KCTD9: variants seen among roughly 807,000 people sequenced by gnomAD.
KCTD9 encodes BTB/POZ domain-containing protein KCTD9.
In KCTD9, 17 loss-of-function variants were observed where a neutral mutation model predicts 53.3. That is an observed-to-expected ratio of 0.32 (90% CI 0.22 to 0.48). KCTD9 has a LOEUF of 0.48. Ranked by LOEUF, KCTD9 falls within the 20% of genes least tolerant of loss-of-function variation. The probability of loss-of-function intolerance (pLI) is 0.99; values close to 1 mark genes in which losing one functional copy is unlikely to be tolerated. For missense variants in KCTD9, 179 were observed against 465.5 expected, an observed-to-expected ratio of 0.38 and a Z score of 5.66; for synonymous variants, 128 against 162.7, an observed-to-expected ratio of 0.79 and a Z score of 1.62.
rs1398759675 is a variant in KCTD9 at position 25,428,248 on chromosome 8, T to C, written c.*1609A>G. The C allele has an allele frequency of 1.3e-5, 2 of 152,588 alleles. No homozygotes were observed. Among genetic ancestry groups the C allele is most frequent in the African/African-American group, 2.4e-5 (1 of 41,436 alleles). 9.5% of individuals were successfully genotyped at this position (152,588 alleles called of 1,614,324 possible). A position where few individuals can be genotyped will look rare whatever the true frequency, so the allele number is the denominator to read the frequency against. On this transcript the variant is annotated 3_prime_UTR_variant, in exon 12 of 12. Transcript: ENST00000221200. Reference sequence around the variant, plus strand: ...TTTAGGCACATATTGATTATGAAAATAGATTATCTCTCAATACAATACTTC... The same window carrying C: ...TTTAGGCACATATTGATTATGAAAACAGATTATCTCTCAATACAATACTTC...
At position 25,429,978 on chromosome 8, in the gene KCTD9, A is replaced by G. The variant is rs1480646242; in HGVS notation, c.1054-5T>C. The G allele has an allele frequency of 1.4e-5, 20 of 1,479,598 alleles. No individual in the cohort carries two copies. Among genetic ancestry groups the G allele is most frequent in the Non-Finnish European group, 1.9e-5 (20 of 1,058,026 alleles). The allele number at this position is 1,479,598 out of a possible 1,614,324, so 91.7% of individuals were successfully genotyped here. On this transcript the variant is annotated splice_region_variant and splice_polypyrimidine_tract_variant and intron_variant, in intron 11 of 11. Coordinates refer to ENST00000221200, the MANE Select transcript of KCTD9 (RefSeq NM_017634.4). ...ACACCCAGACAGATCACAATTCTGC[A>G]AGATGAAAACAATATTCATGTAATT...
At chr8:25,437,802 C>T (rs1802045706) in intron 6 of KCTD9, among the ~76,000 whole-genome samples, 1 of 129,048 alleles carries the variant, frequency 7.7e-6, no homozygotes, top group Non-Finnish European at 1.6e-5. Context: ...GAGCAGAGAT[C>T]ACACCATTGC....
intron 11 of KCTD9, among the ~76,000 whole-genome samples, chr8:25,432,282 T>G (rs926536854): frequency 6.6e-6 from 1 of 152,252 alleles, no homozygotes; most frequent in Admixed American, 6.5e-5. Context: ...AATTAAATTT[T>G]ATGGAAAATG....
intron 6 of KCTD9, among the ~76,000 whole-genome samples, chr8:25,437,452 A>G (rs904506351): frequency 6.6e-6 from 1 of 152,132 alleles, no homozygotes; most frequent in African/African-American, 2.4e-5. Context: ...AGGTGGGTAG[A>G]TCACTTGAGG....
intron 1 of KCTD9, among the ~76,000 whole-genome samples, chr8:25,453,341 T>C (rs1802368135): frequency 6.9e-6 from 1 of 145,314 alleles, no homozygotes; most frequent in African/African-American, 2.6e-5. Flanking sequence ...TGGGTGACAG[T>C]GCGAGACTCT....
chr8:25,430,156 C>T (rs142552124), intron 11 of KCTD9, among the ~76,000 whole-genome samples, 183 bp from the exon 12 acceptor site: 3 of 152,258 alleles, frequency 2.0e-5, no homozygotes, highest in African/African-American at 4.8e-5. Flanking sequence ...TTATTTGTTA[C>T]CTCTAGTTCA....
At chr8:25,443,622 T>C (rs1012431159) in intron 3 of KCTD9, among the ~76,000 whole-genome samples, 5 of 152,074 alleles carry the variant, frequency 3.3e-5, no homozygotes, top group African/African-American at 1.2e-4. Flanking sequence ...CAGACAAGAG[T>C]ATGCACTTAC....
chr8:25,442,910 A>G (rs1180720211), intron 3 of KCTD9, among the ~76,000 whole-genome samples: 1 of 152,198 alleles, frequency 6.6e-6, no homozygotes, highest in East Asian at 1.9e-4. Context: ...ATGTGACATT[A>G]TAATTCTATT....
rs1392600273 is a variant in KCTD9, at chr8:25,430,111, G to A, written c.1054-138C>T. On this transcript the variant is annotated intron_variant, in intron 11 of 11. Coordinates refer to ENST00000221200, the MANE Select transcript of KCTD9 (RefSeq NM_017634.4). ...CTCAGTTAATTTCCGGAAAACTGAT[G>A]ATACACCACCCTAAATTAAGATGTT... The A allele has an allele frequency of 4.6e-6, 3 of 646,390 alleles. No homozygotes were observed. In the African/African-American group the frequency reaches 5.5e-5, roughly 12 times the overall value. 40.0% of individuals were successfully genotyped at this position (646,390 alleles called of 1,614,324 possible).
chr8:25,446,613 G>A (rs1402443834), intron 1 of KCTD9, among the ~76,000 whole-genome samples: 2 of 152,192 alleles, frequency 1.3e-5, no homozygotes, highest in African/African-American at 2.4e-5. Flanking sequence ...AACTAGAAAT[G>A]AAGAAAATAG....
At chr8:25,456,058 G>A (rs138938323) in intron 1 of KCTD9, among the ~76,000 whole-genome samples, 1 of 152,234 alleles carries the variant, frequency 6.6e-6, no homozygotes, top group Non-Finnish European at 1.5e-5. Flanking sequence ...TCAATACACA[G>A]ACAATTCCTG....
chr8:25,446,194 G>C lies in KCTD9; in HGVS notation c.105C>G (p.Leu35=). ...SDLLSVASSK[L]GIKATSVYNG... is the part of the protein sequence containing the mutation. The stretch of plus-strand genomic sequence containing the variant: ...TATACACACTGGTGGCTTTTATGCC[G>C]AGTTTACTGCTGGCCACAGAAAGCA... Residue 35 remains leucine, a synonymous_variant, in exon 2 of 12, where the codon CTC becomes CTG. Transcript: ENST00000221200. The C allele has an allele frequency of 6.2e-7, 1 of 1,613,922 alleles. No homozygotes were observed. The highest frequency in any genetic ancestry group is 8.5e-7 in the Non-Finnish European group (1 of 1,179,896).
chr8:25,442,513 C>T (rs1802141896), intron 3 of KCTD9, among the ~76,000 whole-genome samples: 1 of 151,856 alleles, frequency 6.6e-6, no homozygotes, highest in African/African-American at 2.4e-5. Context: ...AATTTTATAC[C>T]AAAATTATAT....
At chr8:25,442,753 C>T (rs1394623716) in intron 3 of KCTD9, among the ~76,000 whole-genome samples, 1 of 151,998 alleles carries the variant, frequency 6.6e-6, no homozygotes, top group Non-Finnish European at 1.5e-5. Context: ...AGAAACAATA[C>T]AATTATTTTT....
At chr8:25,438,304 CTTTTTTTT>C (rs34836158) in intron 6 of KCTD9, among the ~76,000 whole-genome samples, 3 of 139,274 alleles carry the variant, frequency 2.2e-5, no homozygotes, top group African/African-American at 8.0e-5. Flanking sequence ...CAAATAATAT[CTTTTTTTT>C]TTTTTTTTGC....
chr8:25,440,244 G>A lies in KCTD9; in HGVS notation c.311+333C>T, dbSNP rs1201558239. On this transcript the variant is annotated intron_variant, in intron 4 of 11. Transcript: ENST00000221200. ...CGGCTAATTTTTTGTATTTTTAGTA[G>A]AGACGGGGTTTCACCATTTTAGCCG... 3.3e-5 allele frequency among the ~76,000 whole-genome samples: 5 copies of A among 151,406 alleles called. 1 individual carries two copies. The South Asian group carries it at 6.3e-4, about 19-fold the overall frequency.
At chr8:25,452,726 A>T (rs1216545919) in intron 1 of KCTD9, among the ~76,000 whole-genome samples, 1 of 152,224 alleles carries the variant, frequency 6.6e-6, no homozygotes, top group African/African-American at 2.4e-5. Flanking sequence ...TTAACAACAA[A>T]ATATAAAGAA....
chr8:25,455,237 TAATA>T (rs1471274683), intron 1 of KCTD9, among the ~76,000 whole-genome samples: 1 of 150,242 alleles, frequency 6.7e-6, no homozygotes, highest in Non-Finnish European at 1.5e-5. Flanking sequence ...AAAATAATAA[TAATA>T]AATAATAAAT....
chr8:25,456,933 TAC>T (rs1307861379), intron 1 of KCTD9, among the ~76,000 whole-genome samples: 2 of 152,200 alleles, frequency 1.3e-5, no homozygotes, highest in African/African-American at 4.8e-5. Context: ...AGTAACAACA[TAC>T]GTTTTAGATA....
Sources: gnomAD v4.1 joint callset for allele counts (sites outside exome capture counted in the v4.1 genomes callset) on GRCh38, gnomAD v4.1.1 for gene constraint, MANE v1.5 for transcripts, NCBI Gene and HGNC (gene_info 2026-07-23, HGNC 2026-07-21) for gene names.